Variants in GABPB1 observed in about 807,000 individuals in gnomAD.
GABPB1 encodes the protein GA binding protein transcription factor subunit beta 1.
GABPB1 carries 15 observed loss-of-function variants against 45.9 expected under a neutral mutation model. The observed-to-expected ratio is 0.33, with a 90% CI of 0.22 to 0.50. The LOEUF (loss-of-function observed/expected upper bound fraction) is 0.50. Among genes scored for constraint, GABPB1 ranks in the 20% least tolerant of loss-of-function variants. The pLI, the probability that GABPB1 is intolerant of heterozygous loss-of-function variation, is 0.98. For synonymous variants in GABPB1, 143 were observed against 154.4 expected (o/e 0.93, Z 0.55); for missense variants, 252 against 457.5 (o/e 0.55, Z 4.10).
At position 50,324,133 on chromosome 15, in the gene GABPB1, G is replaced by C. The variant is rs372261660; in HGVS notation, c.1-14335C>G. 3.8e-4 allele frequency among the ~76,000 whole-genome samples: 58 copies of C among 152,174 alleles called. 1 individual carries two copies. In the East Asian group the frequency reaches 0.01, roughly 27 times the overall value. ...TGGGAGGATCACCTGAGCCCAGCGA[G>C]GTCAAGGCTGCAGTGAGCTGTGATT... On this transcript the variant is annotated intron_variant, in intron 1 of 8. Coordinates refer to ENST00000380877, the MANE Select transcript of GABPB1 (RefSeq NM_016654.5).
chr15:50,326,232 G>A (rs1440895996), intron 1 of GABPB1, among the ~76,000 whole-genome samples: 1 of 152,092 alleles, frequency 6.6e-6, no homozygotes, highest in Non-Finnish European at 1.5e-5. Context: ...ACTTCATCTA[G>A]GCCAGACATG....
chr15:50,297,235 T>C (rs62022564), intron 6 of GABPB1, among the ~76,000 whole-genome samples: 42,198 of 144,800 alleles, frequency 0.29, 7,381 homozygotes, highest in Middle Eastern at 0.46. Context: ...TTTTTTGAGA[T>C]GGAGTCTTGC....
At chr15:50,287,144 T>TTA (rs1180149266) in intron 7 of GABPB1, among the ~76,000 whole-genome samples, 1 of 152,206 alleles carries the variant, frequency 6.6e-6, no homozygotes, top group Non-Finnish European at 1.5e-5. Flanking sequence ...AATCTGTTTA[T>TTA]TAGACTGTCT....
At chr15:50,313,747 T>C (rs990096144) in intron 1 of GABPB1, among the ~76,000 whole-genome samples, 1 of 152,120 alleles carries the variant, frequency 6.6e-6, no homozygotes, top group Non-Finnish European at 1.5e-5. Flanking sequence ...GCATATAAAG[T>C]ATAAAATACT....
At chr15:50,354,702 G>C (rs1473221238) in intron 1 of GABPB1, 1 of 337,456 alleles carries the variant, frequency 3.0e-6, no homozygotes, top group Admixed American at 4.8e-5. Flanking sequence ...GGCATGCTAG[G>C]GCCGAGGAGG....
Position 50,337,762 on chromosome 15 carries a change from G to A in GABPB1, c.-1+17223C>T, listed in dbSNP as rs551889058. Among the ~76,000 whole-genome samples, 13 of 151,974 alleles carry A rather than the reference G, an allele frequency of 8.6e-5. No individual in the cohort carries two copies. In the South Asian group the frequency reaches 1.0e-3, roughly 12 times the overall value. On this transcript the variant is annotated intron_variant, in intron 1 of 8. Coordinates refer to ENST00000380877, the MANE Select transcript of GABPB1 (RefSeq NM_016654.5). ...AGCCTGGGTGTCAGAGACAGACCCC[G>A]TCTCAACTGAAAAAGAAAAAAAAAG...
chr15:50,323,484 C>G (rs1434189195), intron 1 of GABPB1, among the ~76,000 whole-genome samples: 3 of 152,162 alleles, frequency 2.0e-5, no homozygotes, highest in Non-Finnish European at 4.4e-5. Context: ...CAGAGTGAGG[C>G]AGGGAGAGGT....
chr15:50,346,790 CTTT>C (rs796246086), intron 1 of GABPB1, among the ~76,000 whole-genome samples: 1 of 133,372 alleles, frequency 7.5e-6, no homozygotes. Context: ...TGTCTGGAGT[CTTT>C]TTTTTTTTTT....
At position 50,289,622 on chromosome 15, in the gene GABPB1, G is replaced by A. The variant is rs1022938524; in HGVS notation, c.744C>T (p.Ala248=). ...EVVTAESVDG[A]IQQVVSSGGQ... Reference sequence around the variant, plus strand: ...CCCCTGAACTAACTACTTGCTGAATGGCACCATCCACAGATTCTGCAGTAA... The same window carrying A: ...CCCCTGAACTAACTACTTGCTGAATAGCACCATCCACAGATTCTGCAGTAA... Residue 248 remains alanine (A), a synonymous_variant, in exon 7 of 9, where the codon GCC becomes GCT. Transcript: ENST00000380877. 28 of 1,612,680 alleles carry A rather than the reference G, an allele frequency of 1.7e-5. No homozygotes were observed. The highest frequency in any genetic ancestry group is 2.4e-5 in the Non-Finnish European group (28 of 1,179,576).
At chr15:50,309,882 T>C (rs2141049865) in intron 1 of GABPB1, 84 bp from the exon 2 acceptor site, 1 of 809,154 alleles carries the variant, frequency 1.2e-6, no homozygotes, top group Non-Finnish European at 2.1e-6. Context: ...TCTTTATTAA[T>C]AAGTCAGTTC....
At chr15:50,346,307 AG>A (rs1390063431) in intron 1 of GABPB1, 1 of 152,184 alleles carries the variant, frequency 6.6e-6, no homozygotes, top group Non-Finnish European at 1.5e-5. Context: ...AAGAAGTAGG[AG>A]GGGCCTATTT....
chr15:50,337,478 T>C (rs757929328), intron 1 of GABPB1, among the ~76,000 whole-genome samples: 11 of 152,090 alleles, frequency 7.2e-5, no homozygotes, highest in Non-Finnish European at 1.6e-4. Context: ...CAAAAAGTAC[T>C]GGCTGAGTGC....
At position 50,278,587 on chromosome 15, in the gene GABPB1, T is replaced by C. The variant is rs1388234706; in HGVS notation, c.*45A>G. ...TTGTTGTGTACAGTTCAAGATTGTA[T>C]TCTTTCTTGACCAAAAGTAAAATCA... On this transcript the variant is annotated 3_prime_UTR_variant, in exon 9 of 9. Transcript: ENST00000380877. The C allele has an allele frequency of 1.3e-6, 2 of 1,559,252 alleles. No homozygotes were observed. Among genetic ancestry groups the C allele is most frequent in the Non-Finnish European group, 1.8e-6 (2 of 1,136,808 alleles).
At chr15:50,326,509 AC>A (rs1192381554) in intron 1 of GABPB1, among the ~76,000 whole-genome samples, 2 of 151,998 alleles carry the variant, frequency 1.3e-5, no homozygotes, top group African/African-American at 4.8e-5. Context: ...CAATAAAAAA[AC>A]AATTAGCTGG....
chr15:50,307,671 C>A (rs1266830405), intron 2 of GABPB1, among the ~76,000 whole-genome samples: 1 of 147,416 alleles, frequency 6.8e-6, no homozygotes, highest in East Asian at 1.9e-4. Context: ...CATTGCACTC[C>A]AGCCCAGGCA....
intron 3 of GABPB1, among the ~76,000 whole-genome samples, chr15:50,303,483 A>G (rs991167844): frequency 6.6e-6 from 1 of 152,170 alleles, no homozygotes; most frequent in African/African-American, 2.4e-5. Flanking sequence ...GGAGTTCGAG[A>G]CCAGTCAAGC....
chr15:50,317,288 C>T (rs2047367877), intron 1 of GABPB1, among the ~76,000 whole-genome samples: 1 of 151,420 alleles, frequency 6.6e-6, no homozygotes, highest in Non-Finnish European at 1.5e-5. Flanking sequence ...GCCTGTAATC[C>T]CAGCTACTCC....
chr15:50,276,876 C>T lies in GABPB1; in HGVS notation c.*1756G>A, dbSNP rs1456184272. The T allele has an allele frequency of 6.6e-6, 1 of 152,212 alleles. No individual in the cohort carries two copies. The highest frequency in any genetic ancestry group is 1.9e-4 in the East Asian group (1 of 5,206). The allele number at this position is 152,212 out of a possible 1,614,324, so 9.4% of individuals were successfully genotyped here. On this transcript the variant is annotated 3_prime_UTR_variant, in exon 9 of 9. Transcript: ENST00000380877. Reference sequence around the variant, plus strand: ...GACTTTTCAGGACTGCAGAAAAAGTCACTTCATGCTATTGAAAATATGGCC... The same window carrying T: ...GACTTTTCAGGACTGCAGAAAAAGTTACTTCATGCTATTGAAAATATGGCC...
rs2049050175 is a variant in GABPB1, at chr15:50,355,097, G to C, written c.-113C>G. 6.5e-6 allele frequency: 1 copy of C among 154,044 alleles called. No individual in the cohort carries two copies. The highest frequency in any genetic ancestry group is 2.4e-5 in the African/African-American group (1 of 41,462). The allele number at this position is 154,044 out of a possible 1,614,324, so 9.5% of individuals were successfully genotyped here. The stretch of plus-strand genomic sequence containing the variant: ...GCCCCGCTACACACAAAGCGCTTCA[G>C]CTGCACAGGGCGCTATTTTCCGAAA... On this transcript the variant is annotated 5_prime_UTR_variant, in exon 1 of 9. Coordinates refer to ENST00000380877, the MANE Select transcript of GABPB1 (RefSeq NM_016654.5).
Sources: allele counts gnomAD v4.1 joint callset (sites outside exome capture counted in the v4.1 genomes callset), GRCh38; gene constraint gnomAD v4.1.1; transcripts MANE v1.5; gene names NCBI Gene and HGNC (gene_info 2026-07-23, HGNC 2026-07-21).